PDE1C: variants seen among roughly 807,000 people sequenced by gnomAD.
The protein encoded by PDE1C is phosphodiesterase 1C.
A neutral mutation model predicts 93.1 loss-of-function variants in PDE1C; 62 were observed. The observed-to-expected ratio is 0.67, with a 90% CI of 0.54 to 0.82. The LOEUF (loss-of-function observed/expected upper bound fraction) is 0.82. PDE1C is among the 40% of genes least tolerant of loss of function. The probability of loss-of-function intolerance (pLI) is 0.00; values close to 1 mark genes in which losing one functional copy is unlikely to be tolerated. For missense variants in PDE1C, 742 were observed against 884.6 expected (o/e 0.84, Z 2.04); for synonymous variants, 325 against 310.1 (o/e 1.05, Z -0.50).
the PDE1C span, among the ~76,000 whole-genome samples, chr7:31,617,267 C>G: frequency 6.3e-4 from 1 of 1,586 alleles, no homozygotes; most frequent in South Asian, 0.083. Context: ...AACAATTTAA[C>G]TTTGCAAAGG....
intron 16 of PDE1C, among the ~76,000 whole-genome samples, chr7:31,795,231 A>G (rs1319969110): frequency 1.3e-5 from 2 of 151,946 alleles, no homozygotes; most frequent in Admixed American, 6.6e-5. Flanking sequence ...GCACATATTT[A>G]CTTCAAAGGT....
chr7:32,356,415 T>C (rs1391422840), intron 1 of PDE1C, among the ~76,000 whole-genome samples: 1 of 152,208 alleles, frequency 6.6e-6, no homozygotes, highest in Non-Finnish European at 1.5e-5. Flanking sequence ...AACAAAACCT[T>C]GCTGCCTAGA....
chr7:31,923,110 A>AAC (rs933961434), intron 2 of PDE1C, among the ~76,000 whole-genome samples: 4 of 152,128 alleles, frequency 2.6e-5, no homozygotes, highest in African/African-American at 9.7e-5. Flanking sequence ...CTGATGCTGA[A>AAC]ACACTGCAGG....
At chr7:31,984,223 G>C (rs1783075961) in intron 2 of PDE1C, among the ~76,000 whole-genome samples, 1 of 152,132 alleles carries the variant, frequency 6.6e-6, no homozygotes, top group Admixed American at 6.5e-5. Flanking sequence ...TCTGGCTCCT[G>C]TCAGATCAAC....
chr7:32,213,838 C>A (rs143104551), intron 1 of PDE1C, among the ~76,000 whole-genome samples: 19 of 152,196 alleles, frequency 1.2e-4, no homozygotes, highest in African/African-American at 4.3e-4. Context: ...CGTTCAGTTG[C>A]GTGTCTAGGC....
chr7:31,687,900 C>G, the PDE1C span, among the ~76,000 whole-genome samples: 1 of 152,172 alleles, frequency 6.6e-6, no homozygotes, highest in Non-Finnish European at 1.5e-5. Flanking sequence ...GGATATTCTT[C>G]AGAATACCGT....
At chr7:31,806,356 G>A (rs1012241736) in intron 16 of PDE1C, among the ~76,000 whole-genome samples, 3 of 151,994 alleles carry the variant, frequency 2.0e-5, no homozygotes, top group Non-Finnish European at 2.9e-5. Context: ...GCACTGAAAA[G>A]AGTATATTTG....
chr7:32,139,300 C>CTTTTTTTTTTTTTTTTTTTTTTTTT, intron 3 of PDE1C, among the ~76,000 whole-genome samples: 2 of 82,922 alleles, frequency 2.4e-5, no homozygotes, highest in Non-Finnish European at 4.4e-5. Context: ...CAAAATCAAC[C>CTTTTTTTTTTTTTTTTTTTTTTTTT]TTTTTTTTTT....
At chr7:31,907,471 T>C (rs915479745) in intron 2 of PDE1C, among the ~76,000 whole-genome samples, 6 of 152,138 alleles carry the variant, frequency 3.9e-5, no homozygotes, top group African/African-American at 1.2e-4. Context: ...TACTGTGAGG[T>C]TGTTCTGTCT....
chr7:31,790,049 C>T (rs1480548388), intron 16 of PDE1C: 2 of 1,384,802 alleles, frequency 1.4e-6, no homozygotes, highest in Non-Finnish European at 1.9e-6. Flanking sequence ...TCAAACCAAC[C>T]CCCAAAGATT....
chr7:31,643,240 G>A, the PDE1C span: 1 of 1,613,732 alleles, frequency 6.2e-7, no homozygotes, highest in Non-Finnish European at 8.5e-7. Context: ...GGAAAGCAGT[G>A]GATTCTGTCC....
chr7:31,992,767 CTT>C (rs1027734012), intron 2 of PDE1C, among the ~76,000 whole-genome samples: 2 of 152,128 alleles, frequency 1.3e-5, no homozygotes, highest in African/African-American at 4.8e-5. Flanking sequence ...AAGCATGACT[CTT>C]TTTTAAACAA....
In PDE1C at chr7:32,020,118, G is replaced by C. The variant is rs114984581; in HGVS notation, c.128+31436C>G. On this transcript the variant is annotated intron_variant, in intron 2 of 17. Transcript: ENST00000396191. ...CCGGGATCCCTCAGGCTCTCAAGTG[G>C]TCTCTCTTCTACCTTCAGTGGTCAG... is the stretch of plus-strand genomic sequence containing the variant. Among the ~76,000 whole-genome samples, 842 of 152,188 alleles carry C rather than the reference G, an allele frequency of 5.5e-3. 5 individuals are homozygous for C. Among genetic ancestry groups the C allele is most frequent in the African/African-American group, 0.019 (791 of 41,538 alleles).
At chr7:31,837,329 A>C (rs1169110263) in intron 10 of PDE1C, 29 bp from the exon 11 acceptor site, 1 of 1,581,826 alleles carries the variant, frequency 6.3e-7, no homozygotes, top group South Asian at 1.2e-5. Context: ...CAAACACATG[A>C]TAACCACACT....
intron 1 of PDE1C, among the ~76,000 whole-genome samples, chr7:32,366,491 G>A (rs1784231296): frequency 6.6e-6 from 1 of 152,012 alleles, no homozygotes; most frequent in South Asian, 2.1e-4. Context: ...AAAAGATATA[G>A]GGAATATATT....
At chr7:32,386,089 CTT>C (rs3079658) in intron 1 of PDE1C, among the ~76,000 whole-genome samples, 11,724 of 137,446 alleles carry the variant, frequency 0.085, 712 homozygotes, top group African/African-American at 0.18. Context: ...CTTTTTCTTT[CTT>C]TTTTTTTTTT....
the PDE1C span, among the ~76,000 whole-genome samples, chr7:31,629,384 T>A: frequency 6.6e-6 from 1 of 152,172 alleles, no homozygotes; most frequent in African/African-American, 2.4e-5. Flanking sequence ...ACCAAACCCC[T>A]GATTACTCCA....
chr7:32,369,653 A>G (rs982121603), intron 1 of PDE1C, among the ~76,000 whole-genome samples: 2 of 152,218 alleles, frequency 1.3e-5, no homozygotes, highest in Non-Finnish European at 2.9e-5. Context: ...TCCAAAGAAA[A>G]GGAAATAAGT....
intron 1 of PDE1C, among the ~76,000 whole-genome samples, chr7:32,330,636 T>C (rs1436262145): frequency 6.6e-6 from 1 of 152,200 alleles, no homozygotes; most frequent in Non-Finnish European, 1.5e-5. Context: ...TAATAACCCC[T>C]GCTTAAGTAA....
Sources: gnomAD v4.1 joint callset for allele counts (sites outside exome capture counted in the v4.1 genomes callset) on GRCh38, gnomAD v4.1.1 for gene constraint, MANE v1.5 for transcripts, NCBI Gene and HGNC (gene_info 2026-07-23, HGNC 2026-07-21) for gene names.